EDEM3: variants seen among roughly 807,000 people sequenced by gnomAD.
The protein encoded by EDEM3 is ER degradation-enhancing alpha-mannosidase-like protein 3.
A neutral mutation model predicts 110.2 loss-of-function variants in EDEM3; 60 were observed. The observed-to-expected ratio is 0.54, with a 90% confidence interval of 0.44 to 0.67. The LOEUF is 0.67. Among genes scored for constraint, EDEM3 ranks in the 30% least tolerant of loss-of-function variants. The probability of loss-of-function intolerance (pLI) is 0.00; values close to 1 mark genes in which losing one functional copy is unlikely to be tolerated. For synonymous variants in EDEM3, 352 were observed against 382.9 expected (o/e 0.92, Z 0.94); for missense variants, 996 against 1,121.0 (o/e 0.89, Z 1.59).
chr1:184,748,955 G>T lies in EDEM3; in HGVS notation c.204+592C>A, dbSNP rs1405827471. 5.3e-5 allele frequency among the ~76,000 whole-genome samples: 8 copies of T among 152,172 alleles called. No individual in the cohort carries two copies. The East Asian group carries it at 1.4e-3, about 26-fold the overall frequency. On this transcript the variant is annotated intron_variant, in intron 2 of 19. Coordinates refer to ENST00000318130, the MANE Select transcript of EDEM3 (RefSeq NM_025191.4). ...ACAATTTATGTGCAAAATTTTTTTT[G>T]AATTCCAGAATTTGCTATTTCATCT...
chr1:184,708,432 T>G, intron 16 of EDEM3, 88 bp from the exon 17 acceptor site: 1 of 1,356,806 alleles, frequency 7.4e-7, no homozygotes, highest in South Asian at 1.3e-5. Flanking sequence ...ACTGTAGTAT[T>G]CTACTCTACA....
chr1:184,712,765 G>C (rs1006293209), intron 13 of EDEM3, among the ~76,000 whole-genome samples, 167 bp from the exon 14 acceptor site: 1 of 152,126 alleles, frequency 6.6e-6, no homozygotes, highest in Non-Finnish European at 1.5e-5. Flanking sequence ...TTGACTCCAA[G>C]TATATTCTAT....
intron 6 of EDEM3, among the ~76,000 whole-genome samples, chr1:184,727,498 G>C (rs372687204): frequency 6.6e-6 from 1 of 152,140 alleles, no homozygotes; most frequent in Admixed American, 6.5e-5. Flanking sequence ...TATATAAAGA[G>C]AAGCTCAAAA....
chr1:184,705,777 G>A (rs1352728013), intron 18 of EDEM3, among the ~76,000 whole-genome samples: 1 of 151,932 alleles, frequency 6.6e-6, no homozygotes, highest in Non-Finnish European at 1.5e-5. Flanking sequence ...TGTGAGCCCA[G>A]GTCTTACAGT....
intron 11 of EDEM3, among the ~76,000 whole-genome samples, chr1:184,718,669 A>G (rs1270969845): frequency 6.6e-6 from 1 of 152,176 alleles, no homozygotes; most frequent in Non-Finnish European, 1.5e-5. Flanking sequence ...ATGATGTATA[A>G]AAATCAGGAA....
intron 2 of EDEM3, among the ~76,000 whole-genome samples, chr1:184,738,142 T>C (rs773027627): frequency 1.3e-5 from 2 of 152,248 alleles, no homozygotes; most frequent in African/African-American, 2.4e-5. Flanking sequence ...GTTTTTAGAA[T>C]GTTACAGATG....
chr1:184,734,947 T>G (rs762660525), intron 4 of EDEM3, among the ~76,000 whole-genome samples: 2 of 152,356 alleles, frequency 1.3e-5, no homozygotes, highest in South Asian at 4.1e-4. Context: ...TGAGTTCTAG[T>G]AGAATTTGGC....
intron 19 of EDEM3, among the ~76,000 whole-genome samples, chr1:184,695,810 G>A (rs1319194470): frequency 6.6e-6 from 1 of 151,964 alleles, no homozygotes; most frequent in Non-Finnish European, 1.5e-5. Flanking sequence ...GAGGGAAGAG[G>A]ATTTATTTAA....
intron 19 of EDEM3, among the ~76,000 whole-genome samples, chr1:184,694,743 A>C (rs1206417677): frequency 6.6e-6 from 1 of 152,058 alleles, no homozygotes; most frequent in Non-Finnish European, 1.5e-5. Flanking sequence ...ACATCAGTGG[A>C]CATTAGTAAG....
At chr1:184,711,989 T>A in intron 14 of EDEM3, 112 bp from the exon 15 acceptor site, 1 of 762,322 alleles carries the variant, frequency 1.3e-6, no homozygotes, top group Non-Finnish European at 2.0e-6. Context: ...TGCAGTGGCG[T>A]AATCTCTGCT....
At chr1:184,717,715 C>T (rs903909294) in intron 11 of EDEM3, 92 bp from the exon 12 acceptor site, 5 of 824,654 alleles carry the variant, frequency 6.1e-6, no homozygotes, top group Admixed American at 3.8e-5. Flanking sequence ...TAGGTAAAAG[C>T]AATTAAAATA....
At chr1:184,742,355 T>C (rs908382139) in intron 2 of EDEM3, among the ~76,000 whole-genome samples, 2 of 152,220 alleles carry the variant, frequency 1.3e-5, no homozygotes, top group East Asian at 3.8e-4. Flanking sequence ...TTCAATACCA[T>C]GTAATTTTAA....
chr1:184,733,109 T>C, intron 5 of EDEM3, 119 bp from the exon 6 acceptor site: 1 of 1,016,614 alleles, frequency 9.8e-7, no homozygotes, highest in Non-Finnish European at 1.4e-6. Context: ...CAAAAATTAC[T>C]TAAACATTAT....
chr1:184,723,957 G>A, intron 7 of EDEM3, 101 bp from the exon 8 acceptor site: 1 of 809,244 alleles, frequency 1.2e-6, no homozygotes, highest in Non-Finnish European at 1.9e-6. Context: ...AAGGCCGATA[G>A]GATATTTTAA....
chr1:184,738,559 G>T lies in EDEM3; in HGVS notation c.205-848C>A, dbSNP rs925733929. Among the ~76,000 whole-genome samples, 3 of 152,046 alleles carry T rather than the reference G, an allele frequency of 2.0e-5. No homozygotes were observed. In the East Asian group the frequency reaches 5.8e-4, roughly 29 times the overall value. ...AGATACCTAAAAATAGACCCATTAG[G>T]GTCAAAGGTATGTGTAACTAATTTT... On this transcript the variant is annotated intron_variant, in intron 2 of 19. Transcript: ENST00000318130.
chr1:184,741,523 T>C (rs1178575472), intron 2 of EDEM3, among the ~76,000 whole-genome samples: 1 of 152,222 alleles, frequency 6.6e-6, no homozygotes, highest in Non-Finnish European at 1.5e-5. Context: ...TTTCTTATAT[T>C]TATAACCATC....
intron 6 of EDEM3, among the ~76,000 whole-genome samples, chr1:184,730,966 A>G (rs1651478563): frequency 6.6e-6 from 1 of 152,176 alleles, no homozygotes; most frequent in Non-Finnish European, 1.5e-5. Flanking sequence ...AGAATGTCAG[A>G]AAGTCTACTG....
Position 184,693,772 on chromosome 1 carries a change from C to T in EDEM3, c.*291G>A, listed in dbSNP as rs933382270. On this transcript the variant is annotated 3_prime_UTR_variant, in exon 20 of 20. Transcript: ENST00000318130. ...ATCCAGAGACAACAGAAATCTGGTT[C>T]GCAGGAATGCTCAGTAATCTTTCCC... is the stretch of plus-strand genomic sequence containing the variant. The T allele has an allele frequency of 1.9e-5, 5 of 268,898 alleles. No individual in the cohort carries two copies. The highest frequency in any genetic ancestry group is 1.3e-4 in the East Asian group (2 of 15,472). 16.7% of individuals were successfully genotyped at this position (268,898 alleles called of 1,614,324 possible).
In EDEM3 at chr1:184,754,810, TCCCCAG is replaced by T; in HGVS notation, c.-170_-165del. 1 of 1,191,422 alleles carries T rather than the reference TCCCCAG, an allele frequency of 8.4e-7. No homozygotes were observed. Among genetic ancestry groups the T allele is most frequent in the Non-Finnish European group, 1.1e-6 (1 of 900,424 alleles). 73.8% of individuals were successfully genotyped at this position (1,191,422 alleles called of 1,614,324 possible). On this transcript the variant is annotated 5_prime_UTR_variant, in exon 1 of 20. Transcript: ENST00000318130. Reference sequence around the variant, plus strand: ...CTGTTTCCCGAAGCCACCAAGCCGGTCCCCAGCGCCAGCGCTGCCACCGCCCTCCGC... The same window carrying T: ...CTGTTTCCCGAAGCCACCAAGCCGGTCGCCAGCGCTGCCACCGCCCTCCGC...
Sources: gnomAD v4.1 joint callset for allele counts (sites outside exome capture counted in the v4.1 genomes callset) on GRCh38, gnomAD v4.1.1 for gene constraint, MANE v1.5 for transcripts, NCBI Gene and HGNC (gene_info 2026-07-23, HGNC 2026-07-21) for gene names.